The following LARP6 variants were observed in gnomAD, a reference collection of about 807,000 sequenced individuals.
LARP6 encodes the protein La ribonucleoprotein 6, translational regulator, also known as la-related protein 6.
LARP6 carries 18 observed loss-of-function variants against 32.8 expected under a neutral mutation model. That is an observed-to-expected ratio of 0.55 (90% CI 0.38 to 0.81). LARP6 has a LOEUF of 0.81. LARP6 is among the 40% of genes least tolerant of loss of function. The pLI, the probability that LARP6 is intolerant of heterozygous loss-of-function variation, is 0.00. For synonymous variants in LARP6, 289 were observed against 267.2 expected (o/e 1.08, Z -0.80); for missense variants, 598 against 663.1 (o/e 0.90, Z 1.08).
intron 1 of LARP6, among the ~76,000 whole-genome samples, chr15:70,840,643 A>G (rs2032236300): frequency 6.6e-6 from 1 of 152,234 alleles, no homozygotes. Flanking sequence ...CAAAGATGTC[A>G]GTAAATCACA....
Position 70,832,364 on chromosome 15 carries a change from T to C in LARP6, c.1164A>G (p.Gln388=), listed in dbSNP as rs1057437422. 2.5e-6 allele frequency: 4 copies of C among 1,613,972 alleles called. No homozygotes were observed. The highest frequency in any genetic ancestry group is 2.2e-5 in the East Asian group (1 of 44,878). Residue 388 remains glutamine (Q), a synonymous_variant, in exon 3 of 3, where the codon CAA becomes CAG. Coordinates refer to ENST00000299213, the MANE Select transcript of LARP6 (RefSeq NM_018357.4). ...CTSPWSSPLA[Q]RKGVSRKSPL... is the part of the protein sequence containing the mutation. Reference sequence around the variant, plus strand: ...GGGACTTTCTGGAAACGCCTTTGCGTTGGGCCAAGGGGCTGCTCCAAGGAC... The same window carrying C: ...GGGACTTTCTGGAAACGCCTTTGCGCTGGGCCAAGGGGCTGCTCCAAGGAC...
Position 70,832,318 on chromosome 15 carries a change from G to C in LARP6, c.1210C>G (p.Leu404Val). The C allele has an allele frequency of 6.2e-7, 1 of 1,614,248 alleles. No homozygotes were observed. Among genetic ancestry groups the C allele is most frequent in the Admixed American group, 1.7e-5 (1 of 60,034 alleles). Residue 404 changes from leucine to valine, a missense_variant, in exon 3 of 3, where the codon CTG becomes GTG. Leu to Val is a conservative substitution (Grantham distance 32, BLOSUM62 1). Around this residue, in one of 3 missense-constraint regions of LARP6, gnomAD observed 368 missense variants for 397.9 expected, o/e 0.92. Transcript: ENST00000299213. ...RKSPLAEEGR[L>V]NCSTSPEIFR... ...ATCTCAGGGCTGGTGCTGCAGTTCA[G>C]TCTACCTTCCTCCGCCAGTGGGGAC...
chr15:70,841,952 CCTT>C (rs1182367915), intron 1 of LARP6, among the ~76,000 whole-genome samples: 2 of 152,256 alleles, frequency 1.3e-5, no homozygotes, highest in Admixed American at 1.3e-4. Flanking sequence ...CTATTGACCA[CCTT>C]CTTCTTGATA....
intron 1 of LARP6, among the ~76,000 whole-genome samples, chr15:70,839,211 G>A (rs1219725886): frequency 6.6e-6 from 1 of 152,102 alleles, no homozygotes; most frequent in Non-Finnish European, 1.5e-5. Flanking sequence ...GGCTGAGGTG[G>A]GCGGACGACT....
Position 70,836,429 on chromosome 15 carries a change from T to C in LARP6, c.277A>G (p.Ile93Val). ...TCGATCTGATCCACCAGTTTCTTGATCAACTCCTCATCCGGGGGCTTCCAC... is the reference window on the plus strand; with the variant it reads ...TCGATCTGATCCACCAGTTTCTTGACCAACTCCTCATCCGGGGGCTTCCAC... ...QEWKPPDEELIKKLVDQIEFY... is the reference protein window; with the variant it reads ...QEWKPPDEELVKKLVDQIEFY... Residue 93 changes from isoleucine (I) to valine (V), a missense_variant, in exon 2 of 3, where the codon ATC becomes GTC. Physicochemically the swap from Ile to Val is conservative, Grantham distance 29. Around this residue, in one of 3 missense-constraint regions of LARP6, gnomAD observed 161 missense variants for 148.6 expected, o/e 1.08. Transcript: ENST00000299213. The C allele has an allele frequency of 1.9e-6, 3 of 1,614,194 alleles. No individual in the cohort carries two copies. The highest frequency in any genetic ancestry group is 2.2e-5 in the South Asian group (2 of 91,084).
rs1595949169 is a variant in LARP6 at position 70,832,468 on chromosome 15, G to A, written c.1060C>T (p.Arg354Trp). The part of the protein sequence containing the change: ...SNPTSPMAGR[R>W]HAATNKLSPS... The stretch of plus-strand genomic sequence containing the variant: ...CTGAGCTTGTTGGTGGCCGCGTGCC[G>A]TCGGCCCGCCATAGGGGATGTGGGG... Residue 354 changes from arginine (R) to tryptophan (W), a missense_variant, in exon 3 of 3, where the codon CGG (arginine) becomes TGG (tryptophan). By Grantham distance (101) the Arg-to-Trp change is moderately radical. Around this residue, in one of 3 missense-constraint regions of LARP6, gnomAD observed 368 missense variants for 397.9 expected, o/e 0.92. Transcript: ENST00000299213. 7 of 1,550,244 alleles carry A rather than the reference G, an allele frequency of 4.5e-6. No individual in the cohort carries two copies. Among genetic ancestry groups the A allele is most frequent in the East Asian group, 2.3e-5 (1 of 44,438 alleles).
intron 1 of LARP6, chr15:70,851,657 G>C (rs1188276144): frequency 6.2e-7 from 1 of 1,613,878 alleles, no homozygotes; most frequent in Non-Finnish European, 8.5e-7. Flanking sequence ...TGGGTGCTGT[G>C]CTAGGTGCTG....
intron 2 of LARP6, among the ~76,000 whole-genome samples, chr15:70,834,603 A>G (rs1216854588): frequency 6.6e-6 from 1 of 152,246 alleles, no homozygotes. Context: ...AGAGGGCTAC[A>G]GAAGTCTGTG....
At chr15:70,844,721 C>T (rs907618082) in intron 1 of LARP6, among the ~76,000 whole-genome samples, 33 of 152,120 alleles carry the variant, frequency 2.2e-4, no homozygotes, top group Non-Finnish European at 3.8e-4. Flanking sequence ...TATATTCTAA[C>T]CTTTCCTACA....
chr15:70,843,801 G>C (rs1281130386), intron 1 of LARP6, among the ~76,000 whole-genome samples: 2 of 150,002 alleles, frequency 1.3e-5, no homozygotes. Flanking sequence ...GATTACAGGC[G>C]CACGCTGCCA....
intron 1 of LARP6, among the ~76,000 whole-genome samples, chr15:70,846,655 A>ACATACATACATAATT (rs1567023102): frequency 2.2e-5 from 2 of 89,212 alleles, no homozygotes; most frequent in East Asian, 3.3e-4. Context: ...CATACATAAT[A>ACATACATACATAATT]AAAAAAAAAC....
chr15:70,853,764 C>T (rs2032557110), intron 1 of LARP6, 125 bp downstream of exon 1: 1 of 690,022 alleles, frequency 1.4e-6, no homozygotes, highest in African/African-American at 1.9e-5. Context: ...GAGCTGCTTC[C>T]CCGGCGGCGG....
At chr15:70,843,887 C>T (rs1303975233) in intron 1 of LARP6, among the ~76,000 whole-genome samples, 1 of 151,270 alleles carries the variant, frequency 6.6e-6, no homozygotes, top group Non-Finnish European at 1.5e-5. Flanking sequence ...AACTCCTGAG[C>T]TCAGGCAATC....
chr15:70,853,066 CTCCTT>C (rs2032519293), intron 1 of LARP6, among the ~76,000 whole-genome samples: 1 of 152,152 alleles, frequency 6.6e-6, no homozygotes, highest in Admixed American at 6.5e-5. Flanking sequence ...TATGTTTTAT[CTCCTT>C]TCAACAGCAG....
chr15:70,839,384 G>T (rs550960374), intron 1 of LARP6, among the ~76,000 whole-genome samples: 1 of 151,384 alleles, frequency 6.6e-6, no homozygotes, highest in Non-Finnish European at 1.5e-5. Flanking sequence ...AGGTTACAGT[G>T]AGCGGAGATC....
rs2032029466 is a variant in LARP6, at chr15:70,830,984, TAGTG to T, written c.*1064_*1067del. ...TAGTAACCTTCCCAAGGTCACAAAA[TAGTG>T]AGAGATTGGGGGTCAAATGGACTGA... On this transcript the variant is annotated 3_prime_UTR_variant, in exon 3 of 3. Transcript: ENST00000299213. 1 of 152,162 alleles carries T rather than the reference TAGTG, an allele frequency of 6.6e-6. No homozygotes were observed. The highest frequency in any genetic ancestry group is 1.5e-5 in the Non-Finnish European group (1 of 68,036). The allele number at this position is 152,162 out of a possible 1,614,324, so 9.4% of individuals were successfully genotyped here.
chr15:70,845,852 A>G (rs1400392622), intron 1 of LARP6, among the ~76,000 whole-genome samples: 3 of 152,224 alleles, frequency 2.0e-5, no homozygotes, highest in Non-Finnish European at 4.4e-5. Context: ...GGGAATGATT[A>G]AGCTGGGGGC....
chr15:70,847,858 T>A (rs551935314), intron 1 of LARP6, among the ~76,000 whole-genome samples: 3 of 152,108 alleles, frequency 2.0e-5, no homozygotes, highest in African/African-American at 7.2e-5. Flanking sequence ...TTCAGACTCA[T>A]TGTCTATCAT....
chr15:70,832,944 G>C lies in LARP6; in HGVS notation c.584C>G (p.Pro195Arg), dbSNP rs773802216. 2 of 1,606,380 alleles carry C rather than the reference G, an allele frequency of 1.2e-6. No homozygotes were observed. The highest frequency in any genetic ancestry group is 2.2e-5 in the East Asian group (1 of 44,798). Residue 195 changes from proline (P) to arginine (R), a missense_variant, in exon 3 of 3, where the codon CCT (proline) becomes CGT (arginine). By Grantham distance (103) the Pro-to-Arg change is moderately radical. Around this residue, in one of 3 missense-constraint regions of LARP6, gnomAD observed 368 missense variants for 397.9 expected, o/e 0.92. Transcript: ENST00000299213. ...GGGGGTGGCCAGAGCCCACAGCTTAGGAGACAAGTAGAGATCATAGACCAG... is the reference window on the plus strand; with the variant it reads ...GGGGGTGGCCAGAGCCCACAGCTTACGAGACAAGTAGAGATCATAGACCAG... ...MLLVYDLYLS[P>R]KLWALATPQK... is the part of the protein sequence containing the mutation.
Sources: gnomAD v4.1 joint callset for allele counts (sites outside exome capture counted in the v4.1 genomes callset) on GRCh38, gnomAD v4.1.1 for gene constraint, gnomAD v4.1.1 regional missense constraint, MANE v1.5 for transcripts, NCBI Gene and HGNC (gene_info 2026-07-23, HGNC 2026-07-21) for gene names.